SNRNP40: variants seen among roughly 807,000 people sequenced by gnomAD.
The protein encoded by SNRNP40 is U5 small nuclear ribonucleoprotein 40 kDa protein.
SNRNP40 carries 21 observed loss-of-function variants against 45.8 expected under a neutral mutation model. The observed-to-expected ratio is 0.46, with a 90% CI of 0.32 to 0.66. The LOEUF is 0.66. Among genes scored for constraint, SNRNP40 ranks in the 30% least tolerant of loss-of-function variants. The pLI is 0.03. For missense variants in SNRNP40, 344 were observed against 439.1 expected (o/e 0.78, Z 1.94); for synonymous variants, 142 against 163.8 (o/e 0.87, Z 1.01).
intron 7 of SNRNP40, 35 bp downstream of exon 7, chr1:31,269,123 T>C (rs1569639585): frequency 6.5e-7 from 1 of 1,533,598 alleles, no homozygotes; most frequent in Non-Finnish European, 8.8e-7. Flanking sequence ...CTGAAGTAAA[T>C]GAACAGTAAA....
chr1:31,291,484 A>G (rs553410093), intron 3 of SNRNP40, among the ~76,000 whole-genome samples: 1 of 152,250 alleles, frequency 6.6e-6, no homozygotes, highest in South Asian at 2.1e-4. Flanking sequence ...GCTTGAGCTC[A>G]GGAGCAATAT....
chr1:31,266,772 C>T (rs1172473685), intron 8 of SNRNP40, among the ~76,000 whole-genome samples: 1 of 152,200 alleles, frequency 6.6e-6, no homozygotes, highest in African/African-American at 2.4e-5. Flanking sequence ...AGCTGAGCTG[C>T]TATGCAGGGT....
chr1:31,261,184 T>TA, intron 9 of SNRNP40: 2 of 232,158 alleles, frequency 8.6e-6, no homozygotes, highest in South Asian at 3.7e-5. Context: ...CTACTAAAAA[T>TA]ACAAAAAAAA....
At position 31,271,182 on chromosome 1, in the gene SNRNP40, TG is replaced by T. The variant is rs200371443; in HGVS notation, c.775+196del. 597 of 508,794 alleles carry T rather than the reference TG, an allele frequency of 1.2e-3. 6 individuals are homozygous for T. In the East Asian group the frequency reaches 0.018, roughly 15 times the overall value. 31.5% of individuals were successfully genotyped at this position (508,794 alleles called of 1,614,324 possible). On this transcript the variant is annotated intron_variant, in intron 6 of 9. Transcript: ENST00000263694. ...CCAATCTTCTTATCAATGTAGAAAC[TG>T]ATGCCTAGAGAGAAGAAATGCTGTG...
intron 4 of SNRNP40, among the ~76,000 whole-genome samples, chr1:31,286,666 T>G (rs1339183001): frequency 6.6e-6 from 1 of 152,162 alleles, no homozygotes; most frequent in South Asian, 2.1e-4. Context: ...TTCACCCCAT[T>G]AGGGCACTGT....
chr1:31,276,041 A>C (rs896469617), intron 5 of SNRNP40, among the ~76,000 whole-genome samples: 1 of 152,238 alleles, frequency 6.6e-6, no homozygotes, highest in African/African-American at 2.4e-5. Flanking sequence ...GGTTGTCACT[A>C]AATTATTTAA....
chr1:31,263,198 GAATAAT>G (rs1645872610), intron 8 of SNRNP40: 2 of 151,890 alleles, frequency 1.3e-5, no homozygotes, highest in African/African-American at 4.8e-5. Flanking sequence ...CAAAAGTGAT[GAATAAT>G]AACAGAAGAT....
At chr1:31,270,798 T>C (rs1018698123) in intron 6 of SNRNP40, among the ~76,000 whole-genome samples, 5 of 152,186 alleles carry the variant, frequency 3.3e-5, no homozygotes, top group Non-Finnish European at 7.3e-5. Flanking sequence ...CCAAACTCCC[T>C]CAACATTAAG....
chr1:31,296,095 C>G (rs1646152491), intron 1 of SNRNP40, among the ~76,000 whole-genome samples: 1 of 152,154 alleles, frequency 6.6e-6, no homozygotes, highest in African/African-American at 2.4e-5. Context: ...AGGCTGCTAC[C>G]AAGATCAATG....
intron 5 of SNRNP40, among the ~76,000 whole-genome samples, chr1:31,274,660 A>C (rs1168564970): frequency 6.6e-6 from 1 of 150,934 alleles, no homozygotes; most frequent in Admixed American, 6.6e-5. Context: ...AAAAAAAAAA[A>C]AAAAACCAAA....
In SNRNP40 at chr1:31,261,772, T is replaced by C. The variant is rs954216774; in HGVS notation, c.921-140A>G. The C allele has an allele frequency of 4.0e-5, 23 of 581,702 alleles. No individual in the cohort carries two copies. In the Middle Eastern group the frequency reaches 2.3e-3, roughly 58 times the overall value. The allele number at this position is 581,702 out of a possible 1,614,324, so 36.0% of individuals were successfully genotyped here. The stretch of plus-strand genomic sequence containing the variant: ...GAACCATGTTCTGGCTTTTAGAAAC[T>C]AGGAACACAGAGTTTGAATAAGACA... On this transcript the variant is annotated intron_variant, in intron 8 of 9. Transcript: ENST00000263694.
At position 31,261,651 on chromosome 1, in the gene SNRNP40, A is replaced by T; in HGVS notation, c.921-19T>A. On this transcript the variant is annotated intron_variant, in intron 8 of 9. Coordinates refer to ENST00000263694, the MANE Select transcript of SNRNP40 (RefSeq NM_004814.3). Reference sequence around the variant, plus strand: ...AACAAACCTGTAAGGTATCATGAAAAGCAAGGGTAAGTCCTCTTAGAGCTG... The same window carrying T: ...AACAAACCTGTAAGGTATCATGAAATGCAAGGGTAAGTCCTCTTAGAGCTG... The T allele has an allele frequency of 6.5e-7, 1 of 1,534,956 alleles. No homozygotes were observed. Among genetic ancestry groups the T allele is most frequent in the Non-Finnish European group, 9.0e-7 (1 of 1,107,770 alleles).
chr1:31,274,661 A>AAC (rs1471456895), intron 5 of SNRNP40, among the ~76,000 whole-genome samples: 4 of 151,000 alleles, frequency 2.6e-5, no homozygotes, highest in Non-Finnish European at 5.9e-5. Flanking sequence ...AAAAAAAAAA[A>AAC]AAAACCAAAC....
chr1:31,271,718 G>A (rs1048765429), intron 5 of SNRNP40, among the ~76,000 whole-genome samples: 7 of 151,418 alleles, frequency 4.6e-5, no homozygotes, highest in Non-Finnish European at 7.4e-5. Context: ...ATCATGGCTC[G>A]CTGTAGCCTT....
chr1:31,263,486 C>A, intron 8 of SNRNP40: 1 of 291,874 alleles, frequency 3.4e-6, no homozygotes, highest in Non-Finnish European at 6.7e-6. Flanking sequence ...GCATATGGCA[C>A]AATCTGTATG....
chr1:31,262,521 C>CAA (rs57503418), intron 8 of SNRNP40, among the ~76,000 whole-genome samples: 456 of 40,016 alleles, frequency 0.011, 2 homozygotes, highest in African/African-American at 0.013. Flanking sequence ...ACTCCATCTC[C>CAA]AAAAAAAAAA....
chr1:31,270,198 G>T (rs1557674617), intron 6 of SNRNP40, among the ~76,000 whole-genome samples: 1 of 152,150 alleles, frequency 6.6e-6, no homozygotes, highest in Admixed American at 6.5e-5. Context: ...TGATATATGT[G>T]CAAAGGTTCT....
At chr1:31,289,450 A>G (rs779749290) in intron 3 of SNRNP40, 31 bp from the exon 4 acceptor site, 17 of 1,580,228 alleles carry the variant, frequency 1.1e-5, no homozygotes, top group Middle Eastern at 1.7e-4. Context: ...TAAAAAAGAA[A>G]TAAGTGAAGA....
chr1:31,262,587 G>A (rs533559343), intron 8 of SNRNP40, among the ~76,000 whole-genome samples: 65 of 145,400 alleles, frequency 4.5e-4, no homozygotes, highest in Middle Eastern at 3.6e-3. Flanking sequence ...CCTTATTTTA[G>A]AGATAAGAAA....
Sources: gnomAD v4.1 joint callset for allele counts (sites outside exome capture counted in the v4.1 genomes callset) on GRCh38, gnomAD v4.1.1 for gene constraint, MANE v1.5 for transcripts, NCBI Gene and HGNC (gene_info 2026-07-23, HGNC 2026-07-21) for gene names.